Variants in RIIAD1 observed in about 807,000 individuals in gnomAD.
RIIAD1 encodes RIIa domain-containing protein 1.
Under a neutral mutation model 13.3 loss-of-function variants are expected in RIIAD1, and 15 were observed. The observed-to-expected ratio is 1.13, with a 90% confidence interval of 0.76 to 1.74. The LOEUF (loss-of-function observed/expected upper bound fraction) is 1.74, where lower values mean the gene tolerates loss of function less well. Ranked by LOEUF, RIIAD1 falls within the 40% of genes most tolerant of loss-of-function variation. The pLI is 0.00. For synonymous variants in RIIAD1, 50 were observed against 43.3 expected (o/e 1.16, Z -0.61); for missense variants, 121 against 112.2 (o/e 1.08, Z -0.35).
intron 4 of RIIAD1, chr1:151,714,575 T>C (rs1446078156): frequency 6.5e-7 from 1 of 1,548,244 alleles, no homozygotes; most frequent in Non-Finnish European, 8.7e-7. Flanking sequence ...CCCCTGGCCC[T>C]GCAAAGGGCA....
upstream of RIIAD1, chr1:151,719,740 A>G: frequency 1.5e-6 from 1 of 658,750 alleles, no homozygotes; most frequent in Non-Finnish European, 2.7e-6. Flanking sequence ...CGCTGTTAAA[A>G]AAACAAAAAG....
chr1:151,720,051 G>A (rs986518854), upstream of RIIAD1, among the ~76,000 whole-genome samples: 1 of 152,134 alleles, frequency 6.6e-6, no homozygotes, highest in African/African-American at 2.4e-5. Context: ...AATAATAAAT[G>A]TTATTTAACC....
intron 2 of RIIAD1, among the ~76,000 whole-genome samples, chr1:151,726,519 A>C (rs1435049088): frequency 6.6e-6 from 1 of 152,218 alleles, no homozygotes; most frequent in Non-Finnish European, 1.5e-5. Context: ...GGCCTTGGCC[A>C]AGAGAACATA....
At position 151,713,774 on chromosome 1, in the gene RIIAD1, G is replaced by A. The variant is rs149452357; in HGVS notation, c.-90+210G>A. The stretch of plus-strand genomic sequence containing the variant: ...GACTGGGATAAGATCTTTGGTGGGC[G>A]TGGGGGTTTGGGTGGATTTGCCGCA... On this transcript the variant is annotated intron_variant, in intron 3 of 8. Transcript: ENST00000326413. Among the ~76,000 whole-genome samples, 1,274 of 152,312 alleles carry A rather than the reference G, an allele frequency of 8.4e-3. 13 individuals are homozygous for A. The highest frequency in any genetic ancestry group is 0.034 in the Middle Eastern group (10 of 294).
At position 151,728,985 on chromosome 1, in the gene RIIAD1, T is replaced by C. The variant is rs1647256249; in HGVS notation, c.*57+92T>C. ...GGTCCAGGGTGTGAAAGAAATCAAG[T>C]GGAGAATTTAAAGAGAAGTTTAATG... On this transcript the variant is annotated intron_variant, in intron 4 of 4. Transcript: ENST00000479191. 8.0e-6 allele frequency: 5 copies of C among 621,996 alleles called. No individual in the cohort carries two copies. The Admixed American group carries it at 1.1e-4, about 14-fold the overall frequency. The allele number at this position is 621,996 out of a possible 1,614,324, so 38.5% of individuals were successfully genotyped here.
At position 151,724,275 on chromosome 1, in the gene RIIAD1, G is replaced by T. The variant is rs112646767; in HGVS notation, c.161+2113G>T. 7.0e-3 allele frequency among the ~76,000 whole-genome samples: 1,059 copies of T among 152,312 alleles called. 14 individuals are homozygous for T. Among genetic ancestry groups the T allele is most frequent in the African/African-American group, 0.022 (927 of 41,572 alleles). On this transcript the variant is annotated intron_variant, in intron 2 of 4. Transcript: ENST00000479191. Reference sequence around the variant, plus strand: ...GGTTTTTCTTTTTGCTGTCCCTAAAGCTACTCTACCTGAAATTCTTCTGAC... The same window carrying T: ...GGTTTTTCTTTTTGCTGTCCCTAAATCTACTCTACCTGAAATTCTTCTGAC...
chr1:151,727,919 C>T (rs1673861885), intron 3 of RIIAD1, among the ~76,000 whole-genome samples: 2 of 152,178 alleles, frequency 1.3e-5, no homozygotes, highest in East Asian at 1.9e-4. Context: ...GGGTTCTCAA[C>T]CCTAGCTGTA....
upstream of RIIAD1, chr1:151,721,414 C>A: frequency 2.2e-6 from 1 of 462,592 alleles, no homozygotes; most frequent in Non-Finnish European, 3.5e-6. Flanking sequence ...CCCCGGAGCT[C>A]ACCCCTCAGT....
At chr1:151,716,130 G>T in intron 4 of RIIAD1, 1 of 1,221,700 alleles carries the variant, frequency 8.2e-7, no homozygotes, top group Non-Finnish European at 1.1e-6. Context: ...AGCTGGGGCT[G>T]GCTTTCCCTT....
At chr1:151,727,703 C>T (rs1275126299) in intron 3 of RIIAD1, 82 bp downstream of exon 3, 3 of 894,204 alleles carry the variant, frequency 3.4e-6, no homozygotes, top group African/African-American at 3.4e-5. Context: ...TGAATGAGCC[C>T]AGGATTCTCC....
intron 2 of RIIAD1, among the ~76,000 whole-genome samples, chr1:151,723,512 C>T (rs966131378): frequency 2.0e-5 from 3 of 151,364 alleles, no homozygotes; most frequent in African/African-American, 4.9e-5. Context: ...CCTGCCTGGC[C>T]AACATGAGGA....
chr1:151,712,805 CTGAT>C (rs1673133999), intron 2 of RIIAD1, among the ~76,000 whole-genome samples: 1 of 152,124 alleles, frequency 6.6e-6, no homozygotes, highest in African/African-American at 2.4e-5. Flanking sequence ...GGCTAAATGT[CTGAT>C]TTTTTTAAAA....
At chr1:151,719,234 C>T (rs1673692594), upstream of RIIAD1, among the ~76,000 whole-genome samples, 1 of 152,090 alleles carries the variant, frequency 6.6e-6, no homozygotes, top group Non-Finnish European at 1.5e-5. Flanking sequence ...GAACACATCT[C>T]TGGTGTTCTT....
chr1:151,728,897 G>T lies in RIIAD1; in HGVS notation c.*57+4G>T. The stretch of plus-strand genomic sequence containing the variant: ...CCAGACGGAATCCAGCCTCGGGGTG[G>T]GTGTTAACCTCACTTACAGACAGAG... On this transcript the variant is annotated splice_donor_region_variant and intron_variant, in intron 4 of 4. Transcript: ENST00000479191. 1.1e-6 allele frequency: 1 copy of T among 906,834 alleles called. No homozygotes were observed. Among genetic ancestry groups the T allele is most frequent in the South Asian group, 1.4e-5 (1 of 71,222 alleles). The allele number at this position is 906,834 out of a possible 1,614,324, so 56.2% of individuals were successfully genotyped here.
At position 151,722,097 on chromosome 1, in the gene RIIAD1, G is replaced by T. The variant is rs1286077922; in HGVS notation, c.96G>T (p.Arg32=). 1 of 1,550,888 alleles carries T rather than the reference G, an allele frequency of 6.4e-7. No individual in the cohort carries two copies. The stretch of plus-strand genomic sequence containing the variant: ...TTCTTGCCCCCCAGATTCAGACTCG[G>T]ATTGCTAACGAAAAGTACCTAAGGA... ...EQLRKFKIQT[R]IANEKYLRTH... The change falls in exon 2 of 5, where the codon CGG becomes CGT. Residue 32 remains arginine (R), a synonymous_variant. Transcript: ENST00000479191.
chr1:151,727,086 A>G (rs546126627), intron 2 of RIIAD1, among the ~76,000 whole-genome samples: 3 of 152,256 alleles, frequency 2.0e-5, no homozygotes, highest in Non-Finnish European at 2.9e-5. Flanking sequence ...CCTGGGAGTT[A>G]GAAACCAGCC....
chr1:151,721,456 G>GGGGCCGGGCTTGGGGGCA (rs1673732743), upstream of RIIAD1: 2 of 839,474 alleles, frequency 2.4e-6, no homozygotes, highest in South Asian at 7.0e-5. Context: ...CTTCGCTGAA[G>GGGGCCGGGCTTGGGGGCA]GGGCCGGGCT....
chr1:151,714,321 T>C (rs1436118986), intron 3 of RIIAD1: 3 of 602,350 alleles, frequency 5.0e-6, no homozygotes, highest in Non-Finnish European at 8.9e-6. Context: ...CTCCCTCTAG[T>C]GTTGCCCCAT....
At position 151,724,885 on chromosome 1, in the gene RIIAD1, C is replaced by T. The variant is rs202232561; in HGVS notation, c.162-2690C>T. Reference sequence around the variant, plus strand: ...TGCGATCTCAGCTCACTGCAACCTCCGCCTCCCGTATTCACGCCATTCTCC... The same window carrying T: ...TGCGATCTCAGCTCACTGCAACCTCTGCCTCCCGTATTCACGCCATTCTCC... On this transcript the variant is annotated intron_variant, in intron 2 of 4. Coordinates refer to ENST00000479191, the MANE Select transcript of RIIAD1 (RefSeq NM_001144956.3). Among the ~76,000 whole-genome samples, 16 of 152,046 alleles carry T rather than the reference C, an allele frequency of 1.1e-4. No homozygotes were observed. In the East Asian group the frequency reaches 1.4e-3, roughly 13 times the overall value.
Sources: gnomAD v4.1 joint callset for allele counts (sites outside exome capture counted in the v4.1 genomes callset) on GRCh38, gnomAD v4.1.1 for gene constraint, MANE v1.5 for transcripts, NCBI Gene and HGNC (gene_info 2026-07-23, HGNC 2026-07-21) for gene names.